Variants in WNK1 observed in about 807,000 individuals in gnomAD.
The protein encoded by WNK1 is WNK lysine deficient protein kinase 1.
A neutral mutation model predicts 222.8 loss-of-function variants in WNK1; 38 were observed. The ratio of observed to expected loss-of-function variants is 0.17; its 90% CI spans 0.13 to 0.22. The LOEUF is 0.22. Ranked by LOEUF, WNK1 falls within the 10% of genes least tolerant of loss-of-function variation. The pLI is 1.00. For synonymous variants in WNK1, 1,090 were observed against 1,092.9 expected, an observed-to-expected ratio of 1.00 and a Z score of 0.05; for missense variants, 2,348 against 2,918.4, an observed-to-expected ratio of 0.80 and a Z score of 4.50.
Position 830,870 on chromosome 12 carries a change from C to T in WNK1, c.1311+710C>T, listed in dbSNP as rs536317986. ...ATTCTCTCCATTGTTTCAAAAATGT[C>T]CGTTGACAGTGTTCAAAATAGGCTC... On this transcript the variant is annotated intron_variant, in intron 4 of 27. Transcript: ENST00000315939. Among the ~76,000 whole-genome samples, 5 of 152,302 alleles carry T rather than the reference C, an allele frequency of 3.3e-5. No individual in the cohort carries two copies. In the South Asian group the frequency reaches 1.0e-3, roughly 32 times the overall value.
At chr12:902,657 C>T (rs1955363610) in intron 26 of WNK1, among the ~76,000 whole-genome samples, 1 of 152,204 alleles carries the variant, frequency 6.6e-6, no homozygotes, top group African/African-American at 2.4e-5. Flanking sequence ...AAACAAGGCA[C>T]AATAGCAAGT....
intron 21 of WNK1, 88 bp downstream of exon 21, chr12:889,311 A>G: frequency 8.8e-7 from 1 of 1,132,224 alleles, no homozygotes; most frequent in East Asian, 2.4e-5. Context: ...ACCATTATTA[A>G]TACCTTTAAC....
intron 1 of WNK1, among the ~76,000 whole-genome samples, chr12:776,396 G>T (rs924723549): frequency 1.8e-5 from 2 of 113,932 alleles, no homozygotes; most frequent in African/African-American, 7.1e-5. Flanking sequence ...TCAGATCTCT[G>T]TGTGTGTTTG....
chr12:901,526 T>C (rs1433534729), intron 26 of WNK1: 2 of 1,276,430 alleles, frequency 1.6e-6, no homozygotes, highest in South Asian at 2.5e-5. Context: ...TCTCTTCTCC[T>C]CTCTCTGTTC....
intron 26 of WNK1, chr12:904,421 T>C (rs1955530481): frequency 7.8e-7 from 1 of 1,287,940 alleles, no homozygotes; most frequent in African/African-American, 1.5e-5. Context: ...TTTCTTTATC[T>C]TTAACACATT....
At chr12:875,574 A>G (rs1485206548) in intron 9 of WNK1, among the ~76,000 whole-genome samples, 1 of 152,206 alleles carries the variant, frequency 6.6e-6, no homozygotes, top group Non-Finnish European at 1.5e-5. Flanking sequence ...TGGCTTAAAG[A>G]TCTCTTTAAG....
chr12:902,133 TAA>T (rs56144609), intron 26 of WNK1, among the ~76,000 whole-genome samples: 22 of 136,194 alleles, frequency 1.6e-4, no homozygotes, highest in Middle Eastern at 3.7e-3. Flanking sequence ...ACCCCATCTC[TAA>T]AAAAAAAAAA....
At chr12:873,467 T>TG (rs1243512592) in intron 9 of WNK1, among the ~76,000 whole-genome samples, 3 of 152,216 alleles carry the variant, frequency 2.0e-5, no homozygotes, top group African/African-American at 7.2e-5. Flanking sequence ...TTTTATAGCA[T>TG]GTGTTGTAGA....
rs768185780 is a variant in WNK1 at position 881,793 on chromosome 12, C to G, written c.3209+4C>G. On this transcript the variant is annotated splice_donor_region_variant and intron_variant, in intron 13 of 27. Coordinates refer to ENST00000315939, the MANE Select transcript of WNK1 (RefSeq NM_018979.4). ...CTTTGGCTTCCTCTGTAGACAGGTA[C>G]GTAAAACTAGAATTCTCCTTCCTTG... is the stretch of plus-strand genomic sequence containing the variant. The G allele has an allele frequency of 1.2e-6, 2 of 1,614,036 alleles. No homozygotes were observed. The highest frequency in any genetic ancestry group is 2.2e-5 in the South Asian group (2 of 91,084).
At chr12:811,906 A>G (rs766526773) in intron 1 of WNK1, among the ~76,000 whole-genome samples, 32 of 152,230 alleles carry the variant, frequency 2.1e-4, no homozygotes, top group Middle Eastern at 3.2e-3. Flanking sequence ...AGAAAGGATA[A>G]AAACACTTAG....
At chr12:757,639 T>TG (rs540471596) in intron 1 of WNK1, among the ~76,000 whole-genome samples, 2 of 148,940 alleles carry the variant, frequency 1.3e-5, no homozygotes, top group African/African-American at 2.4e-5. Context: ...TATTTGGTTG[T>TG]CTTGGTCAGA....
chr12:866,652 G>A (rs549867447), intron 8 of WNK1, among the ~76,000 whole-genome samples: 11 of 152,244 alleles, frequency 7.2e-5, no homozygotes, highest in East Asian at 1.9e-4. Flanking sequence ...GAGCCACCGC[G>A]CCCAGCGGGT....
chr12:865,291 G>A, intron 8 of WNK1: 4 of 1,536,140 alleles, frequency 2.6e-6, no homozygotes, highest in African/African-American at 1.4e-5. Flanking sequence ...GCATTGGAGA[G>A]TGTCCTGCCT....
intron 1 of WNK1, among the ~76,000 whole-genome samples, chr12:758,663 A>AT (rs1481058809): frequency 8.9e-5 from 13 of 146,550 alleles, no homozygotes; most frequent in South Asian, 2.2e-4. Flanking sequence ...AATGTTGGTG[A>AT]TTTTTTCCCT....
intron 2 of WNK1, among the ~76,000 whole-genome samples, chr12:818,250 T>G (rs1041286158): frequency 2.0e-5 from 3 of 152,200 alleles, no homozygotes; most frequent in African/African-American, 7.2e-5. Flanking sequence ...TTTTTACAAT[T>G]AAAAAGAAAT....
chr12:871,384 C>T, intron 9 of WNK1, 36 bp downstream of exon 9: 10 of 1,593,112 alleles, frequency 6.3e-6, no homozygotes, highest in Non-Finnish European at 8.6e-6. Flanking sequence ...TATGAATTAG[C>T]AGTGGCCAGA....
At chr12:806,747 T>C (rs142953571) in intron 1 of WNK1, among the ~76,000 whole-genome samples, 2,447 of 152,340 alleles carry the variant, frequency 0.016, 33 homozygotes, top group Non-Finnish European at 0.027. Context: ...CTTTATAGGC[T>C]TGGACATATA....
chr12:865,980 A>G (rs779907462), intron 8 of WNK1, among the ~76,000 whole-genome samples: 3 of 152,178 alleles, frequency 2.0e-5, no homozygotes, highest in Admixed American at 2.0e-4. Context: ...AATGCATTAG[A>G]TGCATATATA....
At chr12:838,968 A>C (rs969395267) in intron 4 of WNK1, among the ~76,000 whole-genome samples, 1 of 152,152 alleles carries the variant, frequency 6.6e-6, no homozygotes, top group East Asian at 1.9e-4. Flanking sequence ...TAGATATTGA[A>C]TATTATTGTT....
Sources: gnomAD v4.1 joint callset for allele counts (sites outside exome capture counted in the v4.1 genomes callset) on GRCh38, gnomAD v4.1.1 for gene constraint, MANE v1.5 for transcripts, NCBI Gene and HGNC (gene_info 2026-07-23, HGNC 2026-07-21) for gene names.